VAMP1: variants seen among roughly 807,000 people sequenced by gnomAD.
The protein encoded by VAMP1 is vesicle-associated membrane protein 1.
In VAMP1, 16 loss-of-function variants were observed where a neutral mutation model predicts 19.1. That is an observed-to-expected ratio of 0.84 (90% CI 0.57 to 1.27). VAMP1 has a LOEUF of 1.27. Ranked by LOEUF, VAMP1 falls within the 50% of genes most tolerant of loss-of-function variation. The pLI, the probability that VAMP1 is intolerant of heterozygous loss-of-function variation, is 0.00. For missense variants in VAMP1, 109 were observed against 145.4 expected (o/e 0.75, Z 1.29); for synonymous variants, 37 against 50.2 (o/e 0.74, Z 1.11).
intron 3 of VAMP1, chr12:6,465,316 T>C (rs1949975471): frequency 2.8e-6 from 1 of 356,998 alleles, no homozygotes; most frequent in Non-Finnish European, 5.4e-6. Context: ...TAAAAATATA[T>C]ATTTCAATCT....
At chr12:6,464,565 T>C in intron 4 of VAMP1, 79 bp from the exon 5 acceptor site, 1 of 1,463,890 alleles carries the variant, frequency 6.8e-7, no homozygotes. Flanking sequence ...TACACCAAGT[T>C]ACCAGACATT....
intron 4 of VAMP1, 153 bp from the exon 5 acceptor site, chr12:6,464,639 A>G (rs1949958069): frequency 6.9e-7 from 1 of 1,456,900 alleles, no homozygotes; most frequent in East Asian, 2.5e-5. Flanking sequence ...CCAGTGACAC[A>G]CAGCATAGCC....
Position 6,462,461 on chromosome 12 carries a change from G to A in VAMP1, c.*2009C>T, listed in dbSNP as rs1385285791. Reference sequence around the variant, plus strand: ...GGATGTGGGAAGCTCAGCTTCATTTGACTGCAAAGTCCCAGGGTTTTGTTG... The same window carrying A: ...GGATGTGGGAAGCTCAGCTTCATTTAACTGCAAAGTCCCAGGGTTTTGTTG... On this transcript the variant is annotated 3_prime_UTR_variant, in exon 5 of 5. Transcript: ENST00000396308. 8.1e-6 allele frequency: 4 copies of A among 493,246 alleles called. No individual in the cohort carries two copies. The highest frequency in any genetic ancestry group is 7.7e-5 in the African/African-American group (4 of 51,672). The allele number at this position is 493,246 out of a possible 1,614,324, so 30.6% of individuals were successfully genotyped here. A position where few individuals can be genotyped will look rare whatever the true frequency, so the allele number is the denominator to read the frequency against.
At chr12:6,468,141 C>G (rs1307399645) in intron 1 of VAMP1, among the ~76,000 whole-genome samples, 2 of 152,186 alleles carry the variant, frequency 1.3e-5, no homozygotes, top group African/African-American at 4.8e-5. Context: ...TTCTCCAGAC[C>G]CCAGAATGGT....
intron 3 of VAMP1, chr12:6,465,411 T>TATATATAC (rs1555130224): frequency 1.4e-5 from 1 of 70,328 alleles, no homozygotes; most frequent in African/African-American, 4.5e-5. Flanking sequence ...AATGTATATA[T>TATATATAC]ATGTATATAT....
intron 1 of VAMP1, among the ~76,000 whole-genome samples, chr12:6,469,796 T>C (rs1205758822): frequency 6.6e-6 from 1 of 152,246 alleles, no homozygotes; most frequent in African/African-American, 2.4e-5. Context: ...TGTTGAAGAC[T>C]GCTGGAGACT....
Position 6,463,411 on chromosome 12 carries a change from T to G in VAMP1, c.*1059A>C. ...GGAAGAACCACTTGCCTCATCCCTGTCTTTGGCAAGTGCACGGGTGGTGTG... is the reference window on the plus strand; with the variant it reads ...GGAAGAACCACTTGCCTCATCCCTGGCTTTGGCAAGTGCACGGGTGGTGTG... On this transcript the variant is annotated 3_prime_UTR_variant, in exon 5 of 5. Coordinates refer to ENST00000396308, the MANE Select transcript of VAMP1 (RefSeq NM_014231.5). This position sits in a 1 kb window ranked among gnomAD's most constrained non-coding sequence, Gnocchi z 4.0. 2 of 1,057,134 alleles carry G rather than the reference T, an allele frequency of 1.9e-6. No homozygotes were observed. The highest frequency in any genetic ancestry group is 2.3e-6 in the Non-Finnish European group (2 of 872,324). The allele number at this position is 1,057,134 out of a possible 1,614,324, so 65.5% of individuals were successfully genotyped here. A position where few individuals can be genotyped will look rare whatever the true frequency, so the allele number is the denominator to read the frequency against.
intron 1 of VAMP1, among the ~76,000 whole-genome samples, chr12:6,470,088 T>C (rs566173817): frequency 6.6e-6 from 1 of 152,268 alleles, no homozygotes; most frequent in South Asian, 2.1e-4. Context: ...CCAGAGATTG[T>C]AGGGCAACAT....
intron 1 of VAMP1, among the ~76,000 whole-genome samples, chr12:6,469,166 CA>C (rs1945705975): frequency 1.3e-5 from 2 of 152,142 alleles, no homozygotes; most frequent in Admixed American, 1.3e-4. Context: ...GGAGGTAAAG[CA>C]AAGATAGACA....
At chr12:6,466,378 C>T (rs368034558) in intron 1 of VAMP1, 27 bp from the exon 2 acceptor site, 4 of 1,594,378 alleles carry the variant, frequency 2.5e-6, no homozygotes, top group Admixed American at 1.8e-5. Flanking sequence ...GCAGAGTACA[C>T]AAAGTGACCA....
rs894259729 is a variant in VAMP1, at chr12:6,464,327, C to G, written c.*143G>C. On this transcript the variant is annotated 3_prime_UTR_variant, in exon 5 of 5. Coordinates refer to ENST00000396308, the MANE Select transcript of VAMP1 (RefSeq NM_014231.5). ...TTGAGGGACAGAGTGCAAATGAACG[C>G]AACGAAAAAGGAGGAATGGGTGATG... The G allele has an allele frequency of 6.5e-7, 1 of 1,548,716 alleles. No homozygotes were observed. Among genetic ancestry groups the G allele is most frequent in the Non-Finnish European group, 8.7e-7 (1 of 1,145,698 alleles).
intron 3 of VAMP1, 136 bp from the exon 4 acceptor site, chr12:6,465,077 G>T: frequency 7.6e-7 from 1 of 1,310,018 alleles, no homozygotes; most frequent in Non-Finnish European, 1.0e-6. Flanking sequence ...AGACCTGCAG[G>T]CCTCTTAGAG....
chr12:6,469,037 G>T (rs1236742441), intron 1 of VAMP1, among the ~76,000 whole-genome samples: 1 of 152,170 alleles, frequency 6.6e-6, no homozygotes, highest in Non-Finnish European at 1.5e-5. Flanking sequence ...TTGATTAAGT[G>T]AATTTCTTTT....
At position 6,464,146 on chromosome 12, in the gene VAMP1, G is replaced by GC. The variant is rs1565524618; in HGVS notation, c.*323dup. ...GTCTGGGCAGCTTCATGGGTACTTC[G>GC]CCTCAGCCACTCCCCTCCCTGCCCC... On this transcript the variant is annotated 3_prime_UTR_variant, in exon 5 of 5. Coordinates refer to ENST00000396308, the MANE Select transcript of VAMP1 (RefSeq NM_014231.5). 25 of 1,391,156 alleles carry GC rather than the reference G, an allele frequency of 1.8e-5. No homozygotes were observed. Among genetic ancestry groups the GC allele is most frequent in the Non-Finnish European group, 2.3e-5 (24 of 1,054,248 alleles). The allele number at this position is 1,391,156 out of a possible 1,614,324, so 86.2% of individuals were successfully genotyped here.
At chr12:6,464,640 C>G in intron 4 of VAMP1, 154 bp from the exon 5 acceptor site, 1 of 1,455,634 alleles carries the variant, frequency 6.9e-7, no homozygotes, top group Non-Finnish European at 9.0e-7. Context: ...CAGTGACACA[C>G]AGCATAGCCC....
Position 6,465,743 on chromosome 12 carries a change from C to T in VAMP1, c.288+99G>A, listed in dbSNP as rs974267055. On this transcript the variant is annotated intron_variant, in intron 3 of 4. Coordinates refer to ENST00000396308, the MANE Select transcript of VAMP1 (RefSeq NM_014231.5). ...AAGCGTTATGCTGGTCAGAGAGATC[C>T]TGCACCATTAGAGGGAAGAAATGTA... The T allele has an allele frequency of 8.1e-6, 12 of 1,474,786 alleles. No individual in the cohort carries two copies. The East Asian group carries it at 2.6e-4, about 31-fold the overall frequency. 91.4% of individuals were successfully genotyped at this position (1,474,786 alleles called of 1,614,324 possible).
Position 6,470,513 on chromosome 12 carries a change from C to T in VAMP1, c.2+17G>A, listed in dbSNP as rs367734911. On this transcript the variant is annotated intron_variant, in intron 1 of 4. Coordinates refer to ENST00000396308, the MANE Select transcript of VAMP1 (RefSeq NM_014231.5). ...TTGTCAAGGAGGTGCCGAGCCCCCACACCAGAGTCAACTCACATTTTTCTG... is the reference window on the plus strand; with the variant it reads ...TTGTCAAGGAGGTGCCGAGCCCCCATACCAGAGTCAACTCACATTTTTCTG... 199 of 1,614,028 alleles carry T rather than the reference C, an allele frequency of 1.2e-4. No homozygotes were observed. The African/African-American group carries it at 2.5e-3, about 21-fold the overall frequency.
In VAMP1 at chr12:6,462,257, T is replaced by A; in HGVS notation, c.*2213A>T. 1 of 977,398 alleles carries A rather than the reference T, an allele frequency of 1.0e-6. No homozygotes were observed. The highest frequency in any genetic ancestry group is 1.5e-6 in the Non-Finnish European group (1 of 667,804). 60.5% of individuals were successfully genotyped at this position (977,398 alleles called of 1,614,324 possible). A position where few individuals can be genotyped will look rare whatever the true frequency, so the allele number is the denominator to read the frequency against. On this transcript the variant is annotated 3_prime_UTR_variant, in exon 5 of 5. Coordinates refer to ENST00000396308, the MANE Select transcript of VAMP1 (RefSeq NM_014231.5). Reference sequence around the variant, plus strand: ...GCCAGTTTAATGGTAGGAATTTGTATTTTTTGCCTTTGTTCAGAATACATG... The same window carrying A: ...GCCAGTTTAATGGTAGGAATTTGTAATTTTTGCCTTTGTTCAGAATACATG...
intron 2 of VAMP1, 26 bp from the exon 3 acceptor site, chr12:6,466,026 G>A: frequency 6.2e-7 from 1 of 1,613,618 alleles, no homozygotes; most frequent in Non-Finnish European, 8.5e-7. Flanking sequence ...AAACAAAGCA[G>A]CTAAGCTTCC....
Sources: allele counts gnomAD v4.1 joint callset (sites outside exome capture counted in the v4.1 genomes callset), GRCh38; gene constraint gnomAD v4.1.1; non-coding constraint Gnocchi (gnomAD v3.1); transcripts MANE v1.5; gene names NCBI Gene and HGNC (gene_info 2026-07-23, HGNC 2026-07-21).